Variants in GLIS3 observed in about 807,000 individuals in gnomAD.
GLIS3 encodes zinc finger protein GLIS3.
GLIS3 carries 53 observed loss-of-function variants against 78.6 expected under a neutral mutation model. The observed-to-expected ratio is 0.67, with a 90% CI of 0.54 to 0.85. The LOEUF (loss-of-function observed/expected upper bound fraction) is 0.85, where lower values mean the gene tolerates loss of function less well. GLIS3 is among the 40% of genes least tolerant of loss of function. The pLI is 0.00. For missense variants in GLIS3, 1,703 were observed against 1,231.1 expected, an observed-to-expected ratio of 1.38 and a Z score of -5.74; for synonymous variants, 684 against 509.9, an observed-to-expected ratio of 1.34 and a Z score of -4.60.
At chr9:4,388,117 C>T in the GLIS3 span, among the ~76,000 whole-genome samples, 1 of 152,252 alleles carries the variant, frequency 6.6e-6, no homozygotes, top group Admixed American at 6.5e-5. Context: ...TTTTATCTAT[C>T]AAAGTATAAG....
intron 2 of GLIS3, among the ~76,000 whole-genome samples, chr9:4,133,981 C>T (rs994928126): frequency 2.0e-5 from 3 of 152,102 alleles, no homozygotes; most frequent in African/African-American, 7.2e-5. Context: ...ACAATGATTA[C>T]TTCGAACTAA....
rs926554355 is a variant in GLIS3 at position 4,039,738 on chromosome 9, T to C, written c.1710+78030A>G. ...TTTCCTCTACAATCGGTCCAGATTC[T>C]GTTAGGGTCATAGAAATGTCTGGGA... On this transcript the variant is annotated intron_variant, in intron 4 of 10. Coordinates refer to ENST00000381971, the MANE Select transcript of GLIS3 (RefSeq NM_001042413.2). 4.6e-5 allele frequency among the ~76,000 whole-genome samples: 7 copies of C among 152,232 alleles called. 1 individual carries two copies. Among genetic ancestry groups the C allele is most frequent in the Admixed American group, 3.9e-4 (6 of 15,282 alleles).
At chr9:3,864,033 G>A (rs1265356999) in intron 8 of GLIS3, among the ~76,000 whole-genome samples, 1 of 152,100 alleles carries the variant, frequency 6.6e-6, no homozygotes, top group Non-Finnish European at 1.5e-5. Flanking sequence ...ATCTGACATG[G>A]GGAGAGAGGG....
At chr9:4,394,963 G>C in the GLIS3 span, among the ~76,000 whole-genome samples, 1 of 152,154 alleles carries the variant, frequency 6.6e-6, no homozygotes, top group Admixed American at 6.5e-5. Context: ...TTATTTATGA[G>C]TGCTATTCTT....
the GLIS3 span, among the ~76,000 whole-genome samples, chr9:4,366,753 G>C: frequency 2.1e-4 from 32 of 152,346 alleles, no homozygotes; most frequent in African/African-American, 7.5e-4. Context: ...TGGACATATG[G>C]TTGGGCACAG....
intron 4 of GLIS3, among the ~76,000 whole-genome samples, chr9:3,942,233 A>G (rs1318668273): frequency 6.6e-6 from 1 of 152,180 alleles, no homozygotes; most frequent in Non-Finnish European, 1.5e-5. Flanking sequence ...TGCTTTTTAA[A>G]ATATACATTT....
intron 4 of GLIS3, chr9:4,034,378 C>T (rs1376127339): frequency 1.3e-5 from 2 of 152,140 alleles, no homozygotes; most frequent in Non-Finnish European, 2.9e-5. Flanking sequence ...AACCAGAGCT[C>T]CTGGTATGTT....
At chr9:4,130,167 G>C (rs1832870123) in intron 2 of GLIS3, among the ~76,000 whole-genome samples, 1 of 152,194 alleles carries the variant, frequency 6.6e-6, no homozygotes. Flanking sequence ...TTATATATGT[G>C]AGCAAAGAAA....
chr9:4,385,325 G>A, the GLIS3 span, among the ~76,000 whole-genome samples: 1 of 152,158 alleles, frequency 6.6e-6, no homozygotes, highest in Non-Finnish European at 1.5e-5. Flanking sequence ...AAGCAATATA[G>A]ATGTTAGACT....
At chr9:3,959,203 C>T (rs1251662371) in intron 4 of GLIS3, among the ~76,000 whole-genome samples, 1 of 152,116 alleles carries the variant, frequency 6.6e-6, no homozygotes, top group Non-Finnish European at 1.5e-5. Context: ...GATTAATGCC[C>T]ATATAGAAAG....
At chr9:4,195,384 C>T (rs1180652370) in intron 2 of GLIS3, among the ~76,000 whole-genome samples, 2 of 152,202 alleles carry the variant, frequency 1.3e-5, no homozygotes, top group Non-Finnish European at 2.9e-5. Context: ...GCCGGCCCCA[C>T]ACTCGGAGAG....
chr9:4,020,100 T>C (rs1822758962), intron 4 of GLIS3, among the ~76,000 whole-genome samples: 1 of 151,990 alleles, frequency 6.6e-6, no homozygotes, highest in Non-Finnish European at 1.5e-5. Flanking sequence ...GAAGGTGACG[T>C]CTGAGAAAAG....
chr9:4,390,371 CTT>C, the GLIS3 span, among the ~76,000 whole-genome samples: 10 of 145,134 alleles, frequency 6.9e-5, no homozygotes, highest in African/African-American at 2.5e-4. Context: ...TGATAAAAGT[CTT>C]TTTTTTTTTT....
At chr9:3,913,757 A>C (rs182950222) in intron 6 of GLIS3, among the ~76,000 whole-genome samples, 29 of 152,336 alleles carry the variant, frequency 1.9e-4, no homozygotes, top group African/African-American at 6.5e-4. Flanking sequence ...TACATTTTGT[A>C]ATAGCTATTT....
the GLIS3 span, among the ~76,000 whole-genome samples, chr9:4,482,224 G>C: frequency 6.6e-6 from 1 of 152,202 alleles, no homozygotes; most frequent in Admixed American, 6.5e-5. Context: ...ATTTGTCAGA[G>C]TGAGCAATAA....
intron 4 of GLIS3, among the ~76,000 whole-genome samples, chr9:4,046,700 G>T (rs1464758668): frequency 6.6e-6 from 1 of 152,154 alleles, no homozygotes; most frequent in African/African-American, 2.4e-5. Context: ...ACATTCACTG[G>T]AATATATTTA....
intron 1 of GLIS3, among the ~76,000 whole-genome samples, chr9:4,290,589 G>A (rs1027044510): frequency 2.0e-5 from 3 of 152,084 alleles, no homozygotes; most frequent in African/African-American, 7.2e-5. Flanking sequence ...GCAGTGTGAA[G>A]CACATTTCGC....
rs529869576 is a variant in GLIS3, at chr9:3,892,096, G to A, written c.2128+6595C>T. On this transcript the variant is annotated intron_variant, in intron 7 of 10. Coordinates refer to ENST00000381971, the MANE Select transcript of GLIS3 (RefSeq NM_001042413.2). The stretch of plus-strand genomic sequence containing the variant: ...GGTAGGACTAGGTGTTAGTAGAAAC[G>A]CCAGGGTAAGACTCAACTCTGAAAT... 3.3e-5 allele frequency among the ~76,000 whole-genome samples: 5 copies of A among 152,188 alleles called. No individual in the cohort carries two copies. The East Asian group carries it at 7.7e-4, about 23-fold the overall frequency.
chr9:3,952,386 C>T (rs543677607), intron 4 of GLIS3, among the ~76,000 whole-genome samples: 1 of 152,156 alleles, frequency 6.6e-6, no homozygotes, highest in Non-Finnish European at 1.5e-5. Context: ...GGATCCCTGG[C>T]ACTCTCTGAT....
Sources: allele counts gnomAD v4.1 joint callset (sites outside exome capture counted in the v4.1 genomes callset), GRCh38; gene constraint gnomAD v4.1.1; transcripts MANE v1.5; gene names NCBI Gene and HGNC (gene_info 2026-07-23, HGNC 2026-07-21).